Variants in DYTN observed in about 807,000 individuals in gnomAD.
The protein encoded by DYTN is dystrotelin.
DYTN carries 75 observed loss-of-function variants against 69.6 expected under a neutral mutation model. The observed-to-expected ratio is 1.08, with a 90% CI of 0.89 to 1.31. DYTN has a LOEUF of 1.31. DYTN is among the 50% of genes most tolerant of loss of function. The pLI is 0.00. For missense variants in DYTN, 726 were observed against 688.4 expected (o/e 1.05, Z -0.61); for synonymous variants, 252 against 249.1 (o/e 1.01, Z -0.11).
chr2:206,717,581 C>A (rs1017024505), intron 1 of DYTN, among the ~76,000 whole-genome samples: 1 of 152,092 alleles, frequency 6.6e-6, no homozygotes, highest in Non-Finnish European at 1.5e-5. Flanking sequence ...TTGTGTAAAG[C>A]GTATTAATAT....
chr2:206,707,007 A>C (rs1324643678), intron 3 of DYTN, among the ~76,000 whole-genome samples: 1 of 152,180 alleles, frequency 6.6e-6, no homozygotes, highest in Non-Finnish European at 1.5e-5. Flanking sequence ...TGGAAGTGTA[A>C]ACGCCCTAGC....
intron 9 of DYTN, among the ~76,000 whole-genome samples, chr2:206,686,150 TG>T (rs111428866): frequency 0.033 from 5,093 of 152,306 alleles, 111 homozygotes; most frequent in Middle Eastern, 0.065. Context: ...AGTTTCCTTT[TG>T]CCCCCATGAT....
At chr2:206,664,010 A>G (rs1004516675) in intron 10 of DYTN, among the ~76,000 whole-genome samples, 1 of 152,292 alleles carries the variant, frequency 6.6e-6, no homozygotes, top group Admixed American at 6.5e-5. Context: ...AGTGTGAATC[A>G]AGGCAGCATC....
chr2:206,697,384 A>G (rs1553575426), intron 7 of DYTN, among the ~76,000 whole-genome samples: 1 of 152,094 alleles, frequency 6.6e-6, no homozygotes, highest in Non-Finnish European at 1.5e-5. Flanking sequence ...AGGCCACTCT[A>G]TGGTCTTTGC....
intron 3 of DYTN, among the ~76,000 whole-genome samples, 187 bp downstream of exon 3, chr2:206,707,115 A>G (rs975086787): frequency 2.6e-5 from 4 of 152,188 alleles, no homozygotes; most frequent in Non-Finnish European, 5.9e-5. Flanking sequence ...TGGGTCATTT[A>G]TATTCCTAAA....
intron 1 of DYTN, among the ~76,000 whole-genome samples, chr2:206,711,853 G>T (rs1700081171): frequency 6.8e-6 from 1 of 147,394 alleles, no homozygotes. Context: ...TTTTTCCATT[G>T]ATGCTCCAAA....
chr2:206,693,402 C>T, intron 8 of DYTN, 79 bp from the exon 9 acceptor site: 2 of 1,504,062 alleles, frequency 1.3e-6, no homozygotes, highest in East Asian at 4.7e-5. Flanking sequence ...GATGGACTGG[C>T]CACCATGAAA....
At chr2:206,656,317 A>G (rs2105885972) in intron 11 of DYTN, among the ~76,000 whole-genome samples, 1 of 152,302 alleles carries the variant, frequency 6.6e-6, no homozygotes, top group South Asian at 2.1e-4. Context: ...ATTTTTGAAT[A>G]CCATTAACAT....
In DYTN at chr2:206,657,914, A is replaced by G. The variant is rs1409784164; in HGVS notation, c.1633+4989T>C. 3.9e-5 allele frequency among the ~76,000 whole-genome samples: 6 copies of G among 152,110 alleles called. No homozygotes were observed. In the East Asian group the frequency reaches 1.2e-3, roughly 29 times the overall value. On this transcript the variant is annotated intron_variant, in intron 11 of 11. Coordinates refer to ENST00000452335, the MANE Select transcript of DYTN (RefSeq NM_001093730.1). The stretch of plus-strand genomic sequence containing the variant: ...ACGTCCATTTTCTTTCCCAAATTTG[A>G]GAAATTTTTGCCCTTGTTTATTTGA...
rs186476909 is a variant in DYTN at position 206,670,678 on chromosome 2, A to G, written c.981-4649T>C. ...CAAAGAAATTCAATCTATTTCAAAA[A>G]GTGGCTGCTGTTTGGGTTTACATTC... On this transcript the variant is annotated intron_variant, in intron 9 of 11. Transcript: ENST00000452335. 22 of 152,360 alleles carry G rather than the reference A, an allele frequency of 1.4e-4. 1 individual carries two copies. In the East Asian group the frequency reaches 3.7e-3, roughly 25 times the overall value. The allele number at this position is 152,360 out of a possible 1,614,324, so 9.4% of individuals were successfully genotyped here.
intron 11 of DYTN, among the ~76,000 whole-genome samples, chr2:206,661,235 T>C (rs1409971461): frequency 1.3e-5 from 2 of 152,168 alleles, no homozygotes; most frequent in African/African-American, 4.8e-5. Flanking sequence ...ATATTTTGGT[T>C]CTTCGTTTAA....
At chr2:206,664,124 T>C (rs1453194948) in intron 10 of DYTN, among the ~76,000 whole-genome samples, 1 of 151,130 alleles carries the variant, frequency 6.6e-6, no homozygotes, top group African/African-American at 2.4e-5. Context: ...GGAATAGAAA[T>C]AGTTCTTAGT....
At chr2:206,690,110 G>A (rs1191081235) in intron 9 of DYTN, among the ~76,000 whole-genome samples, 1 of 152,190 alleles carries the variant, frequency 6.6e-6, no homozygotes, top group African/African-American at 2.4e-5. Context: ...GAGTGCCAGA[G>A]TGAGGAAAGT....
At chr2:206,709,456 CACAG>C (rs1700059010) in intron 2 of DYTN, among the ~76,000 whole-genome samples, 1 of 151,700 alleles carries the variant, frequency 6.6e-6, no homozygotes, top group Non-Finnish European at 1.5e-5. Context: ...CTTACACACA[CACAG>C]ACACACACAC....
At chr2:206,678,921 A>C (rs927061732) in intron 9 of DYTN, 2 of 152,236 alleles carry the variant, frequency 1.3e-5, no homozygotes, top group Non-Finnish European at 2.9e-5. Flanking sequence ...TCTTAAAAAG[A>C]ATCCCCAAAC....
At chr2:206,658,155 G>T (rs1012733652) in intron 11 of DYTN, among the ~76,000 whole-genome samples, 1 of 151,462 alleles carries the variant, frequency 6.6e-6, no homozygotes, top group Non-Finnish European at 1.5e-5. Context: ...GAAATTTTTA[G>T]TTCAATTATT....
At chr2:206,665,624 T>A (rs114765226) in intron 10 of DYTN, among the ~76,000 whole-genome samples, 4 of 152,218 alleles carry the variant, frequency 2.6e-5, no homozygotes, top group Non-Finnish European at 5.9e-5. Flanking sequence ...ACCGACGCTA[T>A]AAAGAATCAC....
At chr2:206,694,964 C>T (rs374979059) in intron 7 of DYTN, 87 bp from the exon 8 acceptor site, 1 of 944,402 alleles carries the variant, frequency 1.1e-6, no homozygotes, top group Non-Finnish European at 1.5e-6. Flanking sequence ...GAATGAGCAA[C>T]CCAAAATATA....
Position 206,672,382 on chromosome 2 carries a change from G to T in DYTN, c.981-6353C>A, listed in dbSNP as rs558678673. On this transcript the variant is annotated intron_variant, in intron 9 of 11. Coordinates refer to ENST00000452335, the MANE Select transcript of DYTN (RefSeq NM_001093730.1). ...CAGAACAAATGGATGTTACAGTGAA[G>T]AAAAGCCTGAATTGTGAATGTTTTT... Among the ~76,000 whole-genome samples the T allele has an allele frequency of 1.1e-3, 164 of 152,296 alleles. 3 individuals are homozygous for T. In the South Asian group the frequency reaches 0.03, roughly 28 times the overall value.
Sources: gnomAD v4.1 joint callset for allele counts (sites outside exome capture counted in the v4.1 genomes callset) on GRCh38, gnomAD v4.1.1 for gene constraint, MANE v1.5 for transcripts, NCBI Gene and HGNC (gene_info 2026-07-23, HGNC 2026-07-21) for gene names.